RNF34: variants seen among roughly 807,000 people sequenced by gnomAD.
The protein encoded by RNF34 is ring finger protein 34.
Under a neutral mutation model 37.9 loss-of-function variants are expected in RNF34, and 12 were observed. The ratio of observed to expected loss-of-function variants is 0.32; its 90% CI spans 0.20 to 0.51. The LOEUF (loss-of-function observed/expected upper bound fraction) is 0.51. RNF34 is among the 20% of genes least tolerant of loss of function. RNF34 has a pLI of 0.97. For missense variants in RNF34, 362 were observed against 472.7 expected (o/e 0.77, Z 2.17); for synonymous variants, 155 against 177.2 (o/e 0.87, Z 1.00).
intron 1 of RNF34, among the ~76,000 whole-genome samples, chr12:121,412,961 C>G (rs1467952717): frequency 6.6e-6 from 1 of 151,892 alleles, no homozygotes; most frequent in Non-Finnish European, 1.5e-5. Context: ...ATGATCTGCT[C>G]CCCCACCTCT....
chr12:121,420,717 A>G lies in RNF34; in HGVS notation c.867A>G (p.Lys289=). The G allele has an allele frequency of 6.2e-7, 1 of 1,614,208 alleles. No homozygotes were observed. The highest frequency in any genetic ancestry group is 8.5e-7 in the Non-Finnish European group (1 of 1,180,012). ...NFVNYSGCCE[K]WELVEKVNRL... Reference sequence around the variant, plus strand: ...TCAACTATTCTGGCTGTTGTGAAAAATGGGAACTGGTAGAGAAAGTAAACC... The same window carrying G: ...TCAACTATTCTGGCTGTTGTGAAAAGTGGGAACTGGTAGAGAAAGTAAACC... Residue 289 remains lysine, a synonymous_variant, in exon 5 of 6, where the codon AAA becomes AAG. Transcript: ENST00000361234.
intron 1 of RNF34, among the ~76,000 whole-genome samples, chr12:121,400,497 C>T (rs1266598008): frequency 6.6e-6 from 1 of 152,226 alleles, no homozygotes; most frequent in Admixed American, 6.5e-5. Context: ...CCTCTCTGCG[C>T]CGGGCCCTGT....
chr12:121,400,157 G>A lies in RNF34; in HGVS notation c.-56G>A, dbSNP rs543904299. On this transcript the variant is annotated 5_prime_UTR_variant, in exon 1 of 6. Coordinates refer to ENST00000361234, the MANE Select transcript of RNF34 (RefSeq NM_025126.4). ...GGGAAGGAGGTCGGCAGTGTGAGGAGCTGCTATGGTGCTGAGTTTCCTGGT... is the reference window on the plus strand; with the variant it reads ...GGGAAGGAGGTCGGCAGTGTGAGGAACTGCTATGGTGCTGAGTTTCCTGGT... 19 of 1,595,266 alleles carry A rather than the reference G, an allele frequency of 1.2e-5. No homozygotes were observed. Among genetic ancestry groups the A allele is most frequent in the East Asian group, 6.8e-5 (3 of 43,978 alleles).
At chr12:121,409,533 T>TTA (rs1403236974) in intron 1 of RNF34, 15 of 152,220 alleles carry the variant, frequency 9.9e-5, no homozygotes, top group Admixed American at 6.5e-4. Flanking sequence ...TGAGCAGGTC[T>TTA]TAAGCTTTTA....
intron 3 of RNF34, 91 bp downstream of exon 3, chr12:121,418,002 A>ATCAGAAGTCATC: frequency 7.5e-7 from 1 of 1,330,400 alleles, no homozygotes; most frequent in African/African-American, 1.5e-5. Flanking sequence ...GACTTCTGAT[A>ATCAGAAGTCATC]AACTTCAAGT....
chr12:121,423,678 T>A lies in RNF34; in HGVS notation c.*102T>A. 9.9e-7 allele frequency: 1 copy of A among 1,005,146 alleles called. No homozygotes were observed. The highest frequency in any genetic ancestry group is 1.5e-6 in the Non-Finnish European group (1 of 683,596). The allele number at this position is 1,005,146 out of a possible 1,614,324, so 62.3% of individuals were successfully genotyped here. A position where few individuals can be genotyped will look rare whatever the true frequency, so the allele number is the denominator to read the frequency against. Reference sequence around the variant, plus strand: ...TTATGTTCAAAGGCTGAAGCTATTTTAAAACATTATTTTGACTACTAAGTG... The same window carrying A: ...TTATGTTCAAAGGCTGAAGCTATTTAAAAACATTATTTTGACTACTAAGTG... On this transcript the variant is annotated 3_prime_UTR_variant, in exon 6 of 6. Coordinates refer to ENST00000361234, the MANE Select transcript of RNF34 (RefSeq NM_025126.4). The surrounding 1 kb of genome is among the most constrained non-coding windows in gnomAD (Gnocchi z 4.3).
intron 1 of RNF34, among the ~76,000 whole-genome samples, chr12:121,410,545 C>CAA (rs59253955): frequency 7.3e-6 from 1 of 137,686 alleles, no homozygotes; most frequent in African/African-American, 2.7e-5. Flanking sequence ...TCAAAACCAC[C>CAA]AAAAAAAAAA....
chr12:121,420,867 A>G (rs1872066385), intron 5 of RNF34, 89 bp downstream of exon 5: 1 of 965,674 alleles, frequency 1.0e-6, no homozygotes, highest in African/African-American at 1.6e-5. Flanking sequence ...AGTCAAATTT[A>G]TTTTTGAGAA....
At chr12:121,422,061 G>A (rs1438306310) in intron 5 of RNF34, among the ~76,000 whole-genome samples, 1 of 152,224 alleles carries the variant, frequency 6.6e-6, no homozygotes, top group Non-Finnish European at 1.5e-5. Context: ...CTGGCAGTGA[G>A]GGGAGAAGTC....
At chr12:121,400,341 AG>A (rs564742373) in intron 1 of RNF34, 123 bp downstream of exon 1, 10 of 1,211,432 alleles carry the variant, frequency 8.3e-6, no homozygotes, top group East Asian at 2.8e-5. Context: ...AGCTGCGCTG[AG>A]GGGGGTCGCT....
chr12:121,405,272 T>C (rs760114118), intron 1 of RNF34, among the ~76,000 whole-genome samples: 8 of 152,160 alleles, frequency 5.3e-5, no homozygotes, highest in Non-Finnish European at 1.2e-4. Flanking sequence ...GGAGTTTCAG[T>C]GAAGGAACTG....
chr12:121,418,495 G>C (rs1871788328), intron 3 of RNF34: 1 of 152,230 alleles, frequency 6.6e-6, no homozygotes, highest in Non-Finnish European at 1.5e-5. Context: ...ATTCTAAACT[G>C]CTGAAAGAAA....
intron 1 of RNF34, 87 bp downstream of exon 1, chr12:121,400,305 G>C: frequency 6.7e-7 from 1 of 1,485,560 alleles, no homozygotes. Context: ...TTCCGCCTTA[G>C]CGGTTACCTA....
rs575111071 is a variant in RNF34, at chr12:121,411,663, T to G, written c.7-4496T>G. On this transcript the variant is annotated intron_variant, in intron 1 of 5. Transcript: ENST00000361234. ...CATGTAAAATTTTATAATGTTACAT[T>G]GTCTGTGAAGAGATAATAGGAATTT... Among the ~76,000 whole-genome samples the G allele has an allele frequency of 3.3e-5, 5 of 152,324 alleles. No individual in the cohort carries two copies. The East Asian group carries it at 7.7e-4, about 23-fold the overall frequency.
chr12:121,416,406 C>A (rs1555282213), intron 2 of RNF34, 29 bp downstream of exon 2: 2 of 1,391,964 alleles, frequency 1.4e-6, no homozygotes, highest in South Asian at 1.2e-5. Context: ...TACATAACAA[C>A]ACACATGGGT....
chr12:121,419,492 A>G (rs1871903012), intron 3 of RNF34, among the ~76,000 whole-genome samples: 1 of 152,238 alleles, frequency 6.6e-6, no homozygotes, highest in African/African-American at 2.4e-5. Flanking sequence ...CATAAGGCAC[A>G]GCTGACTTAC....
Position 121,423,740 on chromosome 12 carries a change from G to A in RNF34, c.*164G>A. On this transcript the variant is annotated 3_prime_UTR_variant, in exon 6 of 6. Transcript: ENST00000361234. The surrounding 1 kb of genome is among the most constrained non-coding windows in gnomAD (Gnocchi z 4.3). ...ATCCATCCTGAGTTGTGGAAACATT[G>A]GTCCATGCCGTGAGCCTGTCTGCCT... 1 of 651,534 alleles carries A rather than the reference G, an allele frequency of 1.5e-6. No individual in the cohort carries two copies. The allele number at this position is 651,534 out of a possible 1,614,324, so 40.4% of individuals were successfully genotyped here.
intron 1 of RNF34, chr12:121,404,714 C>G (rs556998348): frequency 6.6e-6 from 1 of 152,098 alleles, no homozygotes; most frequent in Non-Finnish European, 1.5e-5. Flanking sequence ...ACTACCATAG[C>G]TTTTCTGATT....
At chr12:121,418,316 G>A (rs555440509) in intron 3 of RNF34, 1 of 164,946 alleles carries the variant, frequency 6.1e-6, no homozygotes, top group Admixed American at 6.0e-5. Flanking sequence ...CATTTGTCTT[G>A]CTACAGTGAA....
Sources: gnomAD v4.1 joint callset for allele counts (sites outside exome capture counted in the v4.1 genomes callset) on GRCh38, gnomAD v4.1.1 for gene constraint, Gnocchi (gnomAD v3.1) non-coding constraint, MANE v1.5 for transcripts, NCBI Gene and HGNC (gene_info 2026-07-23, HGNC 2026-07-21) for gene names.